ANKRD30B: variants seen among roughly 807,000 people sequenced by gnomAD.
ANKRD30B encodes the protein ankyrin repeat domain 30B, also known as ankyrin repeat domain-containing protein 30B.
Under a neutral mutation model 202.2 loss-of-function variants are expected in ANKRD30B, and 144 were observed. That is an observed-to-expected ratio of 0.71 (90% confidence interval 0.62 to 0.82). The LOEUF (loss-of-function observed/expected upper bound fraction) is 0.82, where lower values mean the gene tolerates loss of function less well. Ranked by LOEUF, ANKRD30B falls within the 40% of genes least tolerant of loss-of-function variation. The pLI, the probability that ANKRD30B is intolerant of heterozygous loss-of-function variation, is 0.00. For synonymous variants in ANKRD30B, 508 were observed against 561.3 expected, an observed-to-expected ratio of 0.91 and a Z score of 1.34; for missense variants, 1,487 against 1,669.1, an observed-to-expected ratio of 0.89 and a Z score of 1.90.
At chr18:14,843,741 C>T (rs1971520064) in intron 39 of ANKRD30B, among the ~76,000 whole-genome samples, 1 of 152,070 alleles carries the variant, frequency 6.6e-6, no homozygotes. Flanking sequence ...TTGCAGTGAG[C>T]CGAGATGGCG....
chr18:14,902,425 A>T, the ANKRD30B span, among the ~76,000 whole-genome samples: 1 of 152,204 alleles, frequency 6.6e-6, no homozygotes, highest in African/African-American at 2.4e-5. Context: ...CAATCTTAAG[A>T]GGCTTTTAAA....
At chr18:14,923,012 GA>G in the ANKRD30B span, among the ~76,000 whole-genome samples, 2 of 152,184 alleles carry the variant, frequency 1.3e-5, no homozygotes, top group African/African-American at 4.8e-5. Context: ...CCTGGGCCAG[GA>G]AAAAACCTGC....
chr18:14,927,722 C>G, the ANKRD30B span, among the ~76,000 whole-genome samples: 1 of 152,204 alleles, frequency 6.6e-6, no homozygotes, highest in South Asian at 2.1e-4. Flanking sequence ...GTTCCTGGCT[C>G]TAACAATTCT....
At chr18:14,937,475 C>T in the ANKRD30B span, among the ~76,000 whole-genome samples, 40 of 32,204 alleles carry the variant, frequency 1.2e-3, no homozygotes, top group African/African-American at 3.5e-3. Context: ...CACGTCCTCC[C>T]GCCCATGGTA....
chr18:14,797,500 G>A (rs531417502), intron 18 of ANKRD30B, among the ~76,000 whole-genome samples, 161 bp from the exon 19 acceptor site: 17 of 152,002 alleles, frequency 1.1e-4, no homozygotes, highest in African/African-American at 3.6e-4. Context: ...CCCTACAGTT[G>A]GCATGTTAAC....
At chr18:14,916,192 G>A in the ANKRD30B span, among the ~76,000 whole-genome samples, 1 of 152,206 alleles carries the variant, frequency 6.6e-6, no homozygotes, top group African/African-American at 2.4e-5. Context: ...GGTGAGCACT[G>A]GTTCCCAGGA....
the ANKRD30B span, among the ~76,000 whole-genome samples, chr18:14,867,723 C>T: frequency 6.6e-6 from 1 of 152,170 alleles, no homozygotes; most frequent in East Asian, 1.9e-4. Flanking sequence ...CCCAGGGAGC[C>T]CCGGGCACTG....
chr18:14,910,046 AAATAC>A, the ANKRD30B span: 1 of 152,240 alleles, frequency 6.6e-6, no homozygotes, highest in Non-Finnish European at 1.5e-5. Context: ...ATTGACATTA[AAATAC>A]ACATTTGAAA....
chr18:14,832,008 G>A (rs1366104504), intron 34 of ANKRD30B, among the ~76,000 whole-genome samples: 2 of 152,056 alleles, frequency 1.3e-5, no homozygotes, highest in Non-Finnish European at 2.9e-5. Context: ...GTTTTTAGGA[G>A]AGAGCTTTTT....
chr18:14,850,530 G>C, intron 41 of ANKRD30B, 148 bp downstream of exon 41: 1 of 829,576 alleles, frequency 1.2e-6, no homozygotes, highest in Non-Finnish European at 1.7e-6. Flanking sequence ...TGTAGCTACA[G>C]GTATTTATTA....
intron 16 of ANKRD30B, among the ~76,000 whole-genome samples, chr18:14,793,084 C>T (rs918168282): frequency 6.6e-6 from 1 of 152,124 alleles, no homozygotes; most frequent in African/African-American, 2.4e-5. Flanking sequence ...GTTTGTACAT[C>T]TTCCTCCATG....
In ANKRD30B at chr18:14,822,666, C is replaced by T; in HGVS notation, c.2732C>T (p.Thr911Ile). ...GCCTTAGAATTGAAGGACAGAGAAA[C>T]ATTCAAAGCAGGTAAATTTTGTAAT... is the stretch of plus-strand genomic sequence containing the variant. ...NKALELKDRE[T>I]FKAEDVSSVE... is the part of the protein sequence containing the mutation. Residue 911 changes from threonine (T) to isoleucine (I), a missense_variant, in exon 32 of 44, where the codon ACA becomes ATA. By Grantham distance (89) the Thr-to-Ile change is moderately conservative. Coordinates refer to ENST00000690538, the MANE Select transcript of ANKRD30B (RefSeq NM_001367607.2). The T allele has an allele frequency of 1.4e-6, 2 of 1,408,308 alleles. No homozygotes were observed. The highest frequency in any genetic ancestry group is 2.5e-5 in the East Asian group (1 of 39,586). 87.2% of individuals were successfully genotyped at this position (1,408,308 alleles called of 1,614,324 possible).
the ANKRD30B span, among the ~76,000 whole-genome samples, chr18:14,920,613 C>A: frequency 2.6e-5 from 4 of 152,294 alleles, no homozygotes; most frequent in Middle Eastern, 0.01. Flanking sequence ...TTCCCAGACT[C>A]CATTTTAAGA....
At chr18:14,750,329 G>A (rs534813548) in intron 1 of ANKRD30B, among the ~76,000 whole-genome samples, 1 of 152,042 alleles carries the variant, frequency 6.6e-6, no homozygotes, top group Admixed American at 6.6e-5. Flanking sequence ...ATTTAAAACT[G>A]GGCAAAGTCC....
the ANKRD30B span, among the ~76,000 whole-genome samples, chr18:14,920,689 G>T: frequency 6.6e-6 from 1 of 152,244 alleles, no homozygotes; most frequent in East Asian, 1.9e-4. Flanking sequence ...TCTCCAGGCT[G>T]AAAGTGTAGT....
chr18:14,826,693 T>TCTCTCTCACACACACACACA (rs762792279), intron 32 of ANKRD30B, among the ~76,000 whole-genome samples: 2 of 124,968 alleles, frequency 1.6e-5, no homozygotes, highest in African/African-American at 5.8e-5. Flanking sequence ...TCTCTCTCTC[T>TCTCTCTCACACACACACACA]CACACACACA....
At chr18:14,778,647 G>A (rs1051247585) in intron 10 of ANKRD30B, among the ~76,000 whole-genome samples, 5 of 152,164 alleles carry the variant, frequency 3.3e-5, no homozygotes, top group Non-Finnish European at 5.9e-5. Context: ...ATATACACTC[G>A]GTATTGACCA....
At chr18:14,757,661 C>T (rs545733414) in intron 4 of ANKRD30B, among the ~76,000 whole-genome samples, 154 bp from the exon 5 acceptor site, 38 of 152,148 alleles carry the variant, frequency 2.5e-4, no homozygotes, top group African/African-American at 8.4e-4. Context: ...TCTTTTTGCC[C>T]CTTCCTTTTA....
chr18:14,782,844 T>C (rs1470676953), intron 12 of ANKRD30B, among the ~76,000 whole-genome samples: 3 of 151,964 alleles, frequency 2.0e-5, no homozygotes, highest in Non-Finnish European at 4.4e-5. Context: ...CTCTAAGACA[T>C]GAGGAAAGTC....
Sources: gnomAD v4.1 joint callset for allele counts (sites outside exome capture counted in the v4.1 genomes callset) on GRCh38, gnomAD v4.1.1 for gene constraint, MANE v1.5 for transcripts, NCBI Gene and HGNC (gene_info 2026-07-23, HGNC 2026-07-21) for gene names.